MAP3K7: variants seen among roughly 807,000 people sequenced by gnomAD.
MAP3K7 encodes the protein mitogen-activated protein kinase kinase kinase 7.
Under a neutral mutation model 84.8 loss-of-function variants are expected in MAP3K7, and 21 were observed. The ratio of observed to expected loss-of-function variants is 0.25; its 90% CI spans 0.18 to 0.36. The LOEUF is 0.36. Ranked by LOEUF, MAP3K7 falls within the 10% of genes least tolerant of loss-of-function variation. The probability of loss-of-function intolerance (pLI) is 1.00; values close to 1 mark genes in which losing one functional copy is unlikely to be tolerated. For synonymous variants in MAP3K7, 241 were observed against 247.7 expected (o/e 0.97, Z 0.25); for missense variants, 503 against 747.7 (o/e 0.67, Z 3.82).
At chr6:90,553,305 G>A (rs976900637) in intron 7 of MAP3K7, among the ~76,000 whole-genome samples, 153 bp downstream of exon 7, 3 of 152,012 alleles carry the variant, frequency 2.0e-5, no homozygotes, top group Non-Finnish European at 4.4e-5. Flanking sequence ...GCAGGGACAG[G>A]GCAGAGTCTG....
chr6:90,548,150 T>G lies in MAP3K7; in HGVS notation c.977A>C (p.Asn326Thr). 2 of 1,612,072 alleles carry G rather than the reference T, an allele frequency of 1.2e-6. No homozygotes were observed. The highest frequency in any genetic ancestry group is 1.7e-6 in the Non-Finnish European group (2 of 1,179,000). ...ATTAGTGTCACTTTTGTTACTCGTA[T>G]TTGTAGAAGCAATGTCCATGAATGA... is the stretch of plus-strand genomic sequence containing the variant. Reference protein sequence around the residue: ...TGSFMDIASTNTSNKSDTNME... With the variant: ...TGSFMDIASTTTSNKSDTNME... The change falls in exon 10 of 17, where the codon AAT becomes ACT. Residue 326 changes from asparagine to threonine, a missense_variant. Around this residue, in one of 5 missense-constraint regions of MAP3K7, gnomAD observed 286 missense variants for 313.6 expected, o/e 0.91. Transcript: ENST00000369329.
chr6:90,531,933 C>A (rs1775520170), intron 13 of MAP3K7, among the ~76,000 whole-genome samples: 2 of 147,558 alleles, frequency 1.4e-5, no homozygotes. Flanking sequence ...TCCAGCCTGG[C>A]TGACAGCGGG....
chr6:90,547,146 C>G (rs878987837), intron 11 of MAP3K7, 112 bp downstream of exon 11: 3 of 1,169,084 alleles, frequency 2.6e-6, no homozygotes, highest in Non-Finnish European at 3.6e-6. Flanking sequence ...AACCTACTTC[C>G]TATTTAAAAA....
Position 90,576,419 on chromosome 6 carries a change from T to TCTCA in MAP3K7, c.121-4613_121-4612insTGAG, listed in dbSNP as rs1258151898. 9.9e-3 allele frequency among the ~76,000 whole-genome samples: 1,358 copies of TCTCA among 136,944 alleles called. 23 individuals are homozygous for TCTCA. The highest frequency in any genetic ancestry group is 0.014 in the Middle Eastern group (4 of 276). 89.8% of individuals were successfully genotyped at this position (136,944 alleles called of 152,430 possible). ...GCCTGGGCAACAGAGCTAGACTCTG[T>TCTCA]CACACACACACACACACACACACAC... On this transcript the variant is annotated intron_variant, in intron 1 of 16. Coordinates refer to ENST00000369329, the MANE Select transcript of MAP3K7 (RefSeq NM_145331.3).
At chr6:90,536,519 T>TG (rs752145451) in intron 12 of MAP3K7, 118 bp from the exon 13 acceptor site, 1 of 657,548 alleles carries the variant, frequency 1.5e-6, no homozygotes, top group African/African-American at 1.8e-5. Flanking sequence ...AAAATGTTTG[T>TG]GGGGAAAAAA....
intron 1 of MAP3K7, among the ~76,000 whole-genome samples, chr6:90,581,480 AGTGGAACT>A (rs1777270303): frequency 6.6e-6 from 1 of 152,238 alleles, no homozygotes; most frequent in African/African-American, 2.4e-5. Context: ...ACTGTGGCAG[AGTGGAACT>A]GCCATCTGCT....
At chr6:90,545,933 T>TCTTC in intron 11 of MAP3K7, among the ~76,000 whole-genome samples, 1 of 152,232 alleles carries the variant, frequency 6.6e-6, no homozygotes, top group South Asian at 2.1e-4. Flanking sequence ...TGCCCCCATG[T>TCTTC]CTTCCTTCCT....
At chr6:90,560,260 C>A in intron 4 of MAP3K7, 46 bp from the exon 5 acceptor site, 1 of 1,603,784 alleles carries the variant, frequency 6.2e-7, no homozygotes, top group East Asian at 2.2e-5. Flanking sequence ...TTGCATATAA[C>A]AAAAGACACA....
In MAP3K7 at chr6:90,563,014, G is replaced by C. The variant is rs1211086987; in HGVS notation, c.298-1347C>G. Among the ~76,000 whole-genome samples, 3 of 152,176 alleles carry C rather than the reference G, an allele frequency of 2.0e-5. No homozygotes were observed. The East Asian group carries it at 5.8e-4, about 29-fold the overall frequency. ...CCAACAAACCTGCAGCTGAGGTCCTGACTGTTAGAAGGAAAACTAATAAAC... is the reference window on the plus strand; with the variant it reads ...CCAACAAACCTGCAGCTGAGGTCCTCACTGTTAGAAGGAAAACTAATAAAC... On this transcript the variant is annotated intron_variant, in intron 3 of 16. Transcript: ENST00000369329.
chr6:90,534,161 T>A lies in MAP3K7; in HGVS notation c.1356+2176A>T, dbSNP rs111329194. On this transcript the variant is annotated intron_variant, in intron 13 of 16. Coordinates refer to ENST00000369329, the MANE Select transcript of MAP3K7 (RefSeq NM_145331.3). Reference sequence around the variant, plus strand: ...ACAGTACAATAAGTTTACTTTCCTCTGCAAGATGGAATCACGCTTAGCCAG... The same window carrying A: ...ACAGTACAATAAGTTTACTTTCCTCAGCAAGATGGAATCACGCTTAGCCAG... 1.0e-3 allele frequency among the ~76,000 whole-genome samples: 157 copies of A among 152,312 alleles called. 1 individual carries two copies. Among genetic ancestry groups the A allele is most frequent in the African/African-American group, 3.4e-3 (143 of 41,584 alleles).
At chr6:90,564,918 C>T (rs963514040) in intron 3 of MAP3K7, among the ~76,000 whole-genome samples, 28 of 152,208 alleles carry the variant, frequency 1.8e-4, no homozygotes, top group Middle Eastern at 3.2e-3. Context: ...AAGAAACTCA[C>T]TCAAAACCAC....
chr6:90,580,228 A>C (rs1340509582), intron 1 of MAP3K7, among the ~76,000 whole-genome samples: 1 of 152,204 alleles, frequency 6.6e-6, no homozygotes, highest in African/African-American at 2.4e-5. Context: ...CAGAAAGCAA[A>C]TTTGATATTT....
chr6:90,568,303 G>A (rs961274517), intron 3 of MAP3K7, among the ~76,000 whole-genome samples: 2 of 151,198 alleles, frequency 1.3e-5, no homozygotes, highest in African/African-American at 4.9e-5. Flanking sequence ...CCACGGTGCT[G>A]TATTCTCACT....
chr6:90,575,548 G>C (rs1439798729), intron 1 of MAP3K7, among the ~76,000 whole-genome samples: 3 of 152,228 alleles, frequency 2.0e-5, no homozygotes, highest in African/African-American at 7.2e-5. Flanking sequence ...AACACGTAAG[G>C]GATAAAGAAA....
chr6:90,526,856 A>G (rs989868310), intron 13 of MAP3K7, among the ~76,000 whole-genome samples: 7 of 152,132 alleles, frequency 4.6e-5, no homozygotes, highest in African/African-American at 1.4e-4. Flanking sequence ...ATCCTAAACA[A>G]AGAAAGAAGA....
chr6:90,556,927 G>A (rs146963177), intron 5 of MAP3K7, among the ~76,000 whole-genome samples: 3 of 152,160 alleles, frequency 2.0e-5, no homozygotes, highest in East Asian at 1.9e-4. Context: ...AAAATAAAAC[G>A]TGGGGTTTAA....
At chr6:90,583,253 C>T (rs1035486759) in intron 1 of MAP3K7, among the ~76,000 whole-genome samples, 1 of 152,166 alleles carries the variant, frequency 6.6e-6, no homozygotes, top group Non-Finnish European at 1.5e-5. Flanking sequence ...TCAGGACCAA[C>T]TACACTAAAA....
In MAP3K7 at chr6:90,545,172, T is replaced by C. The variant is rs34366672; in HGVS notation, c.1211-540A>G. 4.8e-3 allele frequency among the ~76,000 whole-genome samples: 736 copies of C among 152,220 alleles called. 10 individuals carry two copies. Among genetic ancestry groups the C allele is most frequent in the African/African-American group, 0.017 (709 of 41,532 alleles). On this transcript the variant is annotated intron_variant, in intron 11 of 16. Transcript: ENST00000369329. ...TTGTAGTCATACTTATACATATTTC[T>C]AGTACCAAATATTTATTATATTTTC...
chr6:90,556,172 A>T (rs959847059), intron 6 of MAP3K7, among the ~76,000 whole-genome samples: 3 of 152,266 alleles, frequency 2.0e-5, no homozygotes, highest in Admixed American at 6.5e-5. Flanking sequence ...CTGCGAGTAC[A>T]TGAAAGCACT....
Sources: gnomAD v4.1 joint callset for allele counts (sites outside exome capture counted in the v4.1 genomes callset) on GRCh38, gnomAD v4.1.1 for gene constraint, gnomAD v4.1.1 regional missense constraint, MANE v1.5 for transcripts, NCBI Gene and HGNC (gene_info 2026-07-23, HGNC 2026-07-21) for gene names.